SORCS1: variants seen among roughly 807,000 people sequenced by gnomAD.
The protein encoded by SORCS1 is sortilin related VPS10 domain containing receptor 1, also known as VPS10 domain-containing receptor SorCS1.
Under a neutral mutation model 146.1 loss-of-function variants are expected in SORCS1, and 60 were observed. The ratio of observed to expected loss-of-function variants is 0.41; its 90% CI spans 0.33 to 0.51. SORCS1 has a LOEUF of 0.51. Ranked by LOEUF, SORCS1 falls within the 20% of genes least tolerant of loss-of-function variation. The pLI is 0.21. For missense variants in SORCS1, 1,352 were observed against 1,487.6 expected (o/e 0.91, Z 1.50); for synonymous variants, 637 against 584.0 (o/e 1.09, Z -1.31).
intron 7 of SORCS1, among the ~76,000 whole-genome samples, chr10:106,708,245 G>GGGGTGT (rs548867982): frequency 1.5e-4 from 23 of 148,698 alleles, no homozygotes; most frequent in African/African-American, 5.6e-4. Flanking sequence ...ATAAAGAAAT[G>GGGGTGT]GTGTGTGTGT....
chr10:106,688,157 T>C (rs1316591328), intron 10 of SORCS1, 35 bp downstream of exon 10: 2 of 1,604,388 alleles, frequency 1.2e-6, no homozygotes, highest in East Asian at 4.5e-5. Flanking sequence ...ATCCCTCTAC[T>C]GTGTGAGGCA....
rs1173452987 is a variant in SORCS1, at chr10:106,577,409, G to C, written c.*11C>G. 8.7e-6 allele frequency: 14 copies of C among 1,613,742 alleles called. No homozygotes were observed. The highest frequency in any genetic ancestry group is 1.2e-5 in the Non-Finnish European group (14 of 1,179,810). On this transcript the variant is annotated 3_prime_UTR_variant, in exon 26 of 26. Coordinates refer to ENST00000263054, the MANE Select transcript of SORCS1 (RefSeq NM_052918.5). ...GATCAGCAGGTCGCCTGTAGCCTTT[G>C]GGGGTTTTCCTTAAATTGCATACTG...
At chr10:106,612,905 G>C (rs1428738187) in intron 21 of SORCS1, among the ~76,000 whole-genome samples, 1 of 151,934 alleles carries the variant, frequency 6.6e-6, no homozygotes, top group Admixed American at 6.6e-5. Context: ...CTTCTGCCTA[G>C]AACGCCCCAT....
chr10:106,966,005 G>A (rs1955474503), intron 1 of SORCS1, among the ~76,000 whole-genome samples: 1 of 152,098 alleles, frequency 6.6e-6, no homozygotes, highest in Non-Finnish European at 1.5e-5. Context: ...TTGAACCCTG[G>A]TAAAATCCTC....
At chr10:106,732,131 A>G (rs973695697) in intron 5 of SORCS1, among the ~76,000 whole-genome samples, 3 of 152,174 alleles carry the variant, frequency 2.0e-5, no homozygotes, top group African/African-American at 7.2e-5. Flanking sequence ...GCTGTCAATA[A>G]GTTTTCTCTG....
intron 1 of SORCS1, among the ~76,000 whole-genome samples, chr10:107,002,723 G>A (rs1444017659): frequency 6.6e-6 from 1 of 152,026 alleles, no homozygotes; most frequent in African/African-American, 2.4e-5. Flanking sequence ...CCACCAAGAG[G>A]CAACCGGTAG....
At chr10:107,156,398 TGTC>T (rs1969285981) in intron 1 of SORCS1, among the ~76,000 whole-genome samples, 1 of 152,164 alleles carries the variant, frequency 6.6e-6, no homozygotes, top group African/African-American at 2.4e-5. Context: ...TTCATAAAGG[TGTC>T]GTGATAATCA....
intron 2 of SORCS1, among the ~76,000 whole-genome samples, chr10:106,841,183 T>C (rs1393111320): frequency 6.6e-6 from 1 of 152,058 alleles, no homozygotes; most frequent in Admixed American, 6.6e-5. Flanking sequence ...AATATGTACA[T>C]TGGTGGCCAG....
At chr10:106,789,230 T>C (rs927431574) in intron 3 of SORCS1, among the ~76,000 whole-genome samples, 1 of 152,154 alleles carries the variant, frequency 6.6e-6, no homozygotes, top group Non-Finnish European at 1.5e-5. Context: ...AAGTCTCTGA[T>C]AGGAGGGACA....
At chr10:107,017,828 G>T (rs990224493) in intron 1 of SORCS1, among the ~76,000 whole-genome samples, 7 of 151,518 alleles carry the variant, frequency 4.6e-5, no homozygotes, top group African/African-American at 1.7e-4. Context: ...TTTTTTGTTT[G>T]TTTTTTTGTA....
intron 2 of SORCS1, among the ~76,000 whole-genome samples, chr10:106,912,984 A>G (rs2138267379): frequency 6.6e-6 from 1 of 152,048 alleles, no homozygotes; most frequent in South Asian, 2.1e-4. Context: ...CCGGCCAGGC[A>G]TTGCTGAATT....
chr10:106,826,616 A>G (rs568475740), intron 3 of SORCS1, among the ~76,000 whole-genome samples: 7 of 152,348 alleles, frequency 4.6e-5, no homozygotes, highest in Non-Finnish European at 8.8e-5. Flanking sequence ...AATTCACCTT[A>G]TAAGTAGAAA....
intron 3 of SORCS1, among the ~76,000 whole-genome samples, chr10:106,825,201 T>C (rs1948241707): frequency 6.6e-6 from 1 of 151,640 alleles, no homozygotes; most frequent in Admixed American, 6.6e-5. Flanking sequence ...ACAGAGTATA[T>C]AGAAGTTTTC....
intron 1 of SORCS1, among the ~76,000 whole-genome samples, chr10:107,022,178 T>C (rs1365564214): frequency 6.6e-6 from 1 of 152,194 alleles, no homozygotes. Context: ...GCATACCCTC[T>C]GCCATATGCA....
At chr10:106,866,253 C>T (rs950631631) in intron 2 of SORCS1, among the ~76,000 whole-genome samples, 2 of 152,148 alleles carry the variant, frequency 1.3e-5, no homozygotes, top group Admixed American at 6.5e-5. Context: ...GCCTTATCCA[C>T]ACCACCAACA....
intron 5 of SORCS1, among the ~76,000 whole-genome samples, chr10:106,732,415 C>G (rs1395642027): frequency 1.3e-5 from 2 of 152,148 alleles, no homozygotes; most frequent in Non-Finnish European, 2.9e-5. Flanking sequence ...CCGCAGGTGA[C>G]CTTTTCTGAC....
At position 106,737,931 on chromosome 10, in the gene SORCS1, C is replaced by A. The variant is rs184664196; in HGVS notation, c.960-7817G>T. Among the ~76,000 whole-genome samples the A allele has an allele frequency of 4.1e-3, 621 of 152,226 alleles. 6 individuals are homozygous for A. Among genetic ancestry groups the A allele is most frequent in the African/African-American group, 0.014 (598 of 41,546 alleles). On this transcript the variant is annotated intron_variant, in intron 5 of 25. Transcript: ENST00000263054. ...TAAACTTTAGTGGTATCATACCCTG[C>A]ATATTTTTAGCAACTTGTTAAATGT...
intron 2 of SORCS1, among the ~76,000 whole-genome samples, chr10:106,896,336 C>T (rs184588266): frequency 5.7e-4 from 85 of 148,888 alleles, no homozygotes; most frequent in East Asian, 2.0e-3. Flanking sequence ...GGCTGAGGCA[C>T]GAGAATTGCT....
At chr10:106,772,324 A>G (rs1030120341) in intron 4 of SORCS1, among the ~76,000 whole-genome samples, 9 of 152,012 alleles carry the variant, frequency 5.9e-5, no homozygotes, top group Admixed American at 2.0e-4. Context: ...TCCACCCCCA[A>G]CCAATTCTCA....
Sources: allele counts gnomAD v4.1 joint callset (sites outside exome capture counted in the v4.1 genomes callset), GRCh38; gene constraint gnomAD v4.1.1; transcripts MANE v1.5; gene names NCBI Gene and HGNC (gene_info 2026-07-23, HGNC 2026-07-21).